The following AOX1 variants were observed in gnomAD, a reference collection of about 807,000 sequenced individuals.
AOX1 encodes aldehyde oxidase 1.
In AOX1, 153 loss-of-function variants were observed where a neutral mutation model predicts 169.5. The ratio of observed to expected loss-of-function variants is 0.90; its 90% CI spans 0.79 to 1.03. AOX1 has a LOEUF of 1.03. AOX1 is among the 50% of genes least tolerant of loss of function. The pLI, the probability that AOX1 is intolerant of heterozygous loss-of-function variation, is 0.00. For synonymous variants in AOX1, 562 were observed against 581.9 expected (o/e 0.97, Z 0.49); for missense variants, 1,656 against 1,663.9 (o/e 1.00, Z 0.08).
intron 25 of AOX1, among the ~76,000 whole-genome samples, chr2:200,650,349 T>G (rs541374970): frequency 9.9e-5 from 15 of 152,182 alleles, no homozygotes; most frequent in Middle Eastern, 3.2e-3. Context: ...GTGATGGCTC[T>G]GTCAGCTTAG....
At chr2:200,627,520 T>G in intron 20 of AOX1, 71 bp downstream of exon 20, 1 of 1,151,712 alleles carries the variant, frequency 8.7e-7, no homozygotes, top group South Asian at 1.3e-5. Flanking sequence ...TTCCTTTGTC[T>G]TCTGGAAATC....
At chr2:200,631,273 C>T (rs1454760849) in intron 20 of AOX1, among the ~76,000 whole-genome samples, 1 of 152,102 alleles carries the variant, frequency 6.6e-6, no homozygotes, top group Admixed American at 6.6e-5. Flanking sequence ...AGAGTTTTCC[C>T]AACTCCAAAG....
chr2:200,606,682 T>G (rs1055295743), intron 10 of AOX1, among the ~76,000 whole-genome samples: 7 of 152,210 alleles, frequency 4.6e-5, no homozygotes, highest in African/African-American at 1.7e-4. Flanking sequence ...TAGTTCTTCC[T>G]GAAGAGGTCC....
At chr2:200,593,247 G>A in intron 2 of AOX1, 44 bp downstream of exon 2, 1 of 1,438,030 alleles carries the variant, frequency 7.0e-7, no homozygotes. Flanking sequence ...GTGTGTATTT[G>A]TATAACTCCA....
chr2:200,645,072 C>T (rs1179081952), intron 25 of AOX1, among the ~76,000 whole-genome samples: 1 of 152,128 alleles, frequency 6.6e-6, no homozygotes, highest in African/African-American at 2.4e-5. Flanking sequence ...CTAGGATTTC[C>T]AGTACCATAT....
intron 25 of AOX1, among the ~76,000 whole-genome samples, chr2:200,649,999 C>T (rs1272676662): frequency 1.3e-5 from 2 of 152,244 alleles, no homozygotes; most frequent in Non-Finnish European, 2.9e-5. Context: ...GGTGACCACA[C>T]CTCTCTGCTC....
At chr2:200,654,591 T>C (rs1263202736) in intron 26 of AOX1, among the ~76,000 whole-genome samples, 1 of 152,212 alleles carries the variant, frequency 6.6e-6, no homozygotes, top group Admixed American at 6.5e-5. Context: ...AGACAGGACC[T>C]AACCAACCTC....
chr2:200,672,095 G>A (rs2036037668), downstream of AOX1, among the ~76,000 whole-genome samples: 1 of 152,134 alleles, frequency 6.6e-6, no homozygotes, highest in Non-Finnish European at 1.5e-5. Flanking sequence ...TCCAGAACAG[G>A]CAAATTCACA....
In AOX1 at chr2:200,613,873, G is replaced by C. The variant is rs748850939; in HGVS notation, c.1518G>C (p.Ser506=). The C allele has an allele frequency of 1.2e-6, 2 of 1,612,670 alleles. No homozygotes were observed. The highest frequency in any genetic ancestry group is 1.7e-6 in the Non-Finnish European group (2 of 1,179,968). The part of the protein sequence containing the change: ...LILNEVSLLG[S]APGGKVEFKR... ...TGAATGAAGTCTCCCTTTTGGGCTCGGCGCCAGGTGGGAAAGTGGAGTTCA... is the reference window on the plus strand; with the variant it reads ...TGAATGAAGTCTCCCTTTTGGGCTCCGCGCCAGGTGGGAAAGTGGAGTTCA... Residue 506 remains serine (S), a synonymous_variant, in exon 15 of 35, where the codon TCG becomes TCC. Transcript: ENST00000374700.
chr2:200,632,388 T>A (rs1169420542), intron 20 of AOX1, among the ~76,000 whole-genome samples: 1 of 151,472 alleles, frequency 6.6e-6, no homozygotes, highest in Non-Finnish European at 1.5e-5. Context: ...TTCAACATTT[T>A]ACAAGTTCAA....
intron 28 of AOX1, among the ~76,000 whole-genome samples, chr2:200,659,733 T>A (rs1462555598): frequency 2.6e-5 from 4 of 151,402 alleles, no homozygotes; most frequent in African/African-American, 9.7e-5. Flanking sequence ...TTCCAAGAGG[T>A]TTTTTATTAA....
chr2:200,602,322 G>A lies in AOX1; in HGVS notation c.475G>A (p.Asp159Asn). The A allele has an allele frequency of 6.2e-7, 1 of 1,613,854 alleles. No individual in the cohort carries two copies. The highest frequency in any genetic ancestry group is 1.7e-5 in the Admixed American group (1 of 59,982). ...TTGCACTGGATACAGGCCCATAATT[G>A]ATGCATGCAAGACTTTCTGTAAAGT... Reference protein sequence around the residue: ...CRCTGYRPIIDACKTFCKTSG... With the variant: ...CRCTGYRPIINACKTFCKTSG... Residue 159 changes from aspartate to asparagine, a missense_variant, in exon 6 of 35, where the codon GAT becomes AAT. By Grantham distance (23) the Asp-to-Asn change is conservative. Transcript: ENST00000374700.
chr2:200,602,001 G>A (rs1475729928), intron 5 of AOX1, among the ~76,000 whole-genome samples: 1 of 151,854 alleles, frequency 6.6e-6, no homozygotes, highest in African/African-American at 2.4e-5. Flanking sequence ...TGTAGAGCAA[G>A]TTTTTGGTTT....
intron 1 of AOX1, among the ~76,000 whole-genome samples, chr2:200,590,956 G>A (rs553799215): frequency 4.6e-5 from 7 of 152,238 alleles, no homozygotes; most frequent in African/African-American, 1.7e-4. Context: ...CCTATTCCAA[G>A]TAGCGGGAAG....
intron 4 of AOX1, 70 bp from the exon 5 acceptor site, chr2:200,599,550 G>T (rs1196877423): frequency 8.1e-7 from 1 of 1,237,688 alleles, no homozygotes; most frequent in Non-Finnish European, 1.1e-6. Context: ...TTGCTAGAAT[G>T]CAGGCTCTAA....
chr2:200,665,422 A>G (rs1404547340), intron 31 of AOX1, among the ~76,000 whole-genome samples: 1 of 152,156 alleles, frequency 6.6e-6, no homozygotes, highest in Non-Finnish European at 1.5e-5. Flanking sequence ...CTAAGCCTAC[A>G]GCTTTGTGGG....
intron 27 of AOX1, among the ~76,000 whole-genome samples, chr2:200,658,230 C>T (rs574984802): frequency 1.3e-5 from 2 of 152,348 alleles, no homozygotes; most frequent in East Asian, 3.9e-4. Context: ...CCTCTCATGA[C>T]ACCCCTAACC....
In AOX1 at chr2:200,669,627, A is replaced by G. The variant is rs1559264452; in HGVS notation, c.3851A>G (p.His1284Arg). ...FLGCSVFFAI[H>R]DAVSAARQER... ...GGGTGTTCCGTGTTTTTCGCTATCC[A>G]TGACGCAGTGAGTGCAGCACGACAG... Residue 1284 changes from histidine to arginine, a missense_variant, in exon 34 of 35, where the codon CAT (histidine) becomes CGT (arginine). His to Arg is a conservative substitution (Grantham distance 29). Coordinates refer to ENST00000374700, the MANE Select transcript of AOX1 (RefSeq NM_001159.4). 1.2e-6 allele frequency: 2 copies of G among 1,613,980 alleles called. No individual in the cohort carries two copies. Among genetic ancestry groups the G allele is most frequent in the East Asian group, 2.2e-5 (1 of 44,878 alleles).
downstream of AOX1, among the ~76,000 whole-genome samples, chr2:200,678,954 T>C (rs1263502838): frequency 6.6e-6 from 1 of 152,216 alleles, no homozygotes; most frequent in Non-Finnish European, 1.5e-5. Context: ...TACTAGAGAT[T>C]GTTTGAAGGG....
Sources: gnomAD v4.1 joint callset for allele counts (sites outside exome capture counted in the v4.1 genomes callset) on GRCh38, gnomAD v4.1.1 for gene constraint, MANE v1.5 for transcripts, NCBI Gene and HGNC (gene_info 2026-07-23, HGNC 2026-07-21) for gene names.